PLEKHG4B: variants seen among roughly 807,000 people sequenced by gnomAD.
The protein encoded by PLEKHG4B is pleckstrin homology and RhoGEF domain containing G4B, also known as pleckstrin homology domain-containing family G member 4B.
In PLEKHG4B, 111 loss-of-function variants were observed where a neutral mutation model predicts 121.3. The observed-to-expected ratio is 0.92, with a 90% confidence interval of 0.78 to 1.07. PLEKHG4B has a LOEUF of 1.07. Among genes scored for constraint, PLEKHG4B ranks in the 50% least tolerant of loss-of-function variants. The pLI, the probability that PLEKHG4B is intolerant of heterozygous loss-of-function variation, is 0.00. For synonymous variants in PLEKHG4B, 738 were observed against 725.0 expected (o/e 1.02, Z -0.29); for missense variants, 1,831 against 1,757.8 (o/e 1.04, Z -0.74).
chr5:119,311 ATGTTTAAT>A (rs1399789671), intron 2 of PLEKHG4B, among the ~76,000 whole-genome samples: 2 of 152,178 alleles, frequency 1.3e-5, no homozygotes, highest in Non-Finnish European at 2.9e-5. Context: ...TTACCCATTT[ATGTTTAAT>A]GTTCCATTAT....
intron 11 of PLEKHG4B, 149 bp from the exon 12 acceptor site, chr5:161,634 C>T: frequency 1.1e-6 from 1 of 900,676 alleles, no homozygotes; most frequent in Non-Finnish European, 1.7e-6. Context: ...TCCTTTGGTG[C>T]CTGCTCTCGA....
rs745992913 is a variant in PLEKHG4B at position 173,079 on chromosome 5, C to T, written c.4221+12C>T. On this transcript the variant is annotated intron_variant, in intron 17 of 19. Transcript: ENST00000637938. ...AGCAGTCCTTCAAGGTAGCACCCGC[C>T]CGGTCCGATTGGGTGCAGGCCGAGC... The T allele has an allele frequency of 6.2e-7, 1 of 1,613,062 alleles. No homozygotes were observed. Among genetic ancestry groups the T allele is most frequent in the South Asian group, 1.1e-5 (1 of 91,044 alleles).
chr5:182,514 A>G lies in PLEKHG4B; in HGVS notation c.*191A>G. 1.6e-6 allele frequency: 1 copy of G among 611,458 alleles called. No homozygotes were observed. Among genetic ancestry groups the G allele is most frequent in the Non-Finnish European group, 2.8e-6 (1 of 362,174 alleles). 37.9% of individuals were successfully genotyped at this position (611,458 alleles called of 1,614,324 possible). ...CCTAACATTTTCAAACAAATTTATA[A>G]TTTTGTCTTATTTAAAAAACAAACC... On this transcript the variant is annotated 3_prime_UTR_variant, in exon 20 of 20. Transcript: ENST00000637938.
At chr5:104,050 G>A (rs916084488) in intron 1 of PLEKHG4B, among the ~76,000 whole-genome samples, 11 of 149,904 alleles carry the variant, frequency 7.3e-5, no homozygotes, top group African/African-American at 2.5e-4. Flanking sequence ...TCCCAGCACC[G>A]ATTCCTAAAC....
intron 1 of PLEKHG4B, among the ~76,000 whole-genome samples, chr5:103,509 G>A (rs1445511911): frequency 1.3e-5 from 2 of 152,044 alleles, no homozygotes; most frequent in South Asian, 2.1e-4. Flanking sequence ...CCCCACCCTC[G>A]ACTCTGGATA....
chr5:142,991 G>A, intron 3 of PLEKHG4B, 56 bp from the exon 4 acceptor site: 2 of 1,519,946 alleles, frequency 1.3e-6, no homozygotes, highest in Admixed American at 3.4e-5. Context: ...CATAGCAGCT[G>A]CTTTCAACGC....
chr5:124,288 G>C (rs764813444), intron 2 of PLEKHG4B, among the ~76,000 whole-genome samples: 3 of 152,134 alleles, frequency 2.0e-5, no homozygotes, highest in African/African-American at 7.2e-5. Context: ...TGTCTCATGT[G>C]TGCACTTGAG....
At chr5:136,285 C>T (rs936451313) in intron 2 of PLEKHG4B, among the ~76,000 whole-genome samples, 2 of 152,030 alleles carry the variant, frequency 1.3e-5, no homozygotes, top group African/African-American at 4.8e-5. Flanking sequence ...GATATGACAC[C>T]AAAAGCACAA....
intron 1 of PLEKHG4B, among the ~76,000 whole-genome samples, chr5:109,382 G>A (rs558337476): frequency 7.5e-6 from 1 of 133,146 alleles, no homozygotes; most frequent in South Asian, 2.3e-4. Context: ...GGGTGACAGG[G>A]CAAGACTCTG....
At chr5:176,950 A>C (rs1736777074) in intron 18 of PLEKHG4B, among the ~76,000 whole-genome samples, 1 of 152,128 alleles carries the variant, frequency 6.6e-6, no homozygotes, top group Admixed American at 6.5e-5. Context: ...GTGGAGCCTA[A>C]TGCTTTTCAG....
intron 14 of PLEKHG4B, 128 bp downstream of exon 14, chr5:169,720 C>G: frequency 7.3e-7 from 1 of 1,373,958 alleles, no homozygotes; most frequent in South Asian, 1.4e-5. Flanking sequence ...GGAGCTGGTC[C>G]TGACAGGATG....
chr5:181,660 A>G lies in PLEKHG4B; in HGVS notation c.4549A>G (p.Ile1517Val), dbSNP rs770859800. 4 of 1,613,590 alleles carry G rather than the reference A, an allele frequency of 2.5e-6. No individual in the cohort carries two copies. Among genetic ancestry groups the G allele is most frequent in the Non-Finnish European group, 3.4e-6 (4 of 1,179,898 alleles). The change falls in exon 19 of 20, where the codon ATC becomes GTC. Residue 1517 changes from isoleucine to valine, a missense_variant. Physicochemically the swap from Ile to Val is conservative, Grantham distance 29. Coordinates refer to ENST00000637938, the MANE Select transcript of PLEKHG4B (RefSeq NM_052909.5). ...AVMSDRVPDSIVKGTESQMRG... is the reference protein window; with the variant it reads ...AVMSDRVPDSVVKGTESQMRG... ...GATGAGCGACCGAGTCCCCGACAGC[A>G]TCGTCAAGGGCACAGGTACGGTGGC... is the stretch of plus-strand genomic sequence containing the variant.
At chr5:98,150 AC>A (rs1733682583) in intron 1 of PLEKHG4B, among the ~76,000 whole-genome samples, 1 of 151,970 alleles carries the variant, frequency 6.6e-6, no homozygotes, top group Admixed American at 6.6e-5. Context: ...ATGAAGGTTT[AC>A]CCCAATGTTT....
intron 7 of PLEKHG4B, among the ~76,000 whole-genome samples, chr5:153,097 A>C (rs1735657873): frequency 6.6e-6 from 1 of 152,230 alleles, no homozygotes; most frequent in Non-Finnish European, 1.5e-5. Context: ...TTTAGTTCAA[A>C]TATTGTATTT....
intron 2 of PLEKHG4B, among the ~76,000 whole-genome samples, chr5:129,105 G>A (rs1454051540): frequency 1.3e-5 from 2 of 152,214 alleles, no homozygotes; most frequent in African/African-American, 2.4e-5. Flanking sequence ...TTCTGAAGCA[G>A]CCTTGCAAAA....
At chr5:128,054 G>A (rs1337432739) in intron 2 of PLEKHG4B, among the ~76,000 whole-genome samples, 2 of 152,204 alleles carry the variant, frequency 1.3e-5, no homozygotes, top group African/African-American at 4.8e-5. Flanking sequence ...TGGAGACAAA[G>A]TTTCTTTTGA....
chr5:164,446 G>A (rs1167991970), intron 13 of PLEKHG4B, among the ~76,000 whole-genome samples: 1 of 127,618 alleles, frequency 7.8e-6, no homozygotes, highest in South Asian at 2.1e-4. Flanking sequence ...CTGTGACAGG[G>A]GGCGGGGCTC....
At chr5:155,955 C>T (rs1360171808) in intron 9 of PLEKHG4B, 116 bp from the exon 10 acceptor site, 3 of 1,112,314 alleles carry the variant, frequency 2.7e-6, no homozygotes, top group South Asian at 2.0e-5. Flanking sequence ...CACTGTCATG[C>T]CGCCAGGCCT....
Position 92,224 on chromosome 5 carries a change from G to A in PLEKHG4B, c.-8G>A, listed in dbSNP as rs2126318469. ...AAAGCGTCGGAGTTCGGGAGACCAG[G>A]GTCCAGCATGGGTTTCAGCACAGCA... On this transcript the variant is annotated 5_prime_UTR_variant, in exon 1 of 20. Transcript: ENST00000637938. The A allele has an allele frequency of 2.7e-6, 1 of 370,438 alleles. No individual in the cohort carries two copies. Among genetic ancestry groups the A allele is most frequent in the Admixed American group, 4.7e-5 (1 of 21,268 alleles). The allele number at this position is 370,438 out of a possible 1,614,324, so 22.9% of individuals were successfully genotyped here.
Sources: gnomAD v4.1 joint callset for allele counts (sites outside exome capture counted in the v4.1 genomes callset) on GRCh38, gnomAD v4.1.1 for gene constraint, MANE v1.5 for transcripts, NCBI Gene and HGNC (gene_info 2026-07-23, HGNC 2026-07-21) for gene names.